Variants in GUCY2C observed in about 807,000 individuals in gnomAD.
GUCY2C encodes the protein guanylyl cyclase C.
Under a neutral mutation model 131.1 loss-of-function variants are expected in GUCY2C, and 118 were observed. The observed-to-expected ratio is 0.90, with a 90% CI of 0.78 to 1.05. The LOEUF is 1.05. GUCY2C is among the 50% of genes least tolerant of loss of function. The pLI is 0.00. For missense variants in GUCY2C, 1,161 were observed against 1,304.4 expected (o/e 0.89, Z 1.69); for synonymous variants, 452 against 457.8 (o/e 0.99, Z 0.16).
chr12:14,687,645 GAAACA>G (rs1948497600), intron 2 of GUCY2C, among the ~76,000 whole-genome samples: 1 of 151,964 alleles, frequency 6.6e-6, no homozygotes, highest in South Asian at 2.1e-4. Context: ...AAACACCCAA[GAAACA>G]AAACAAAACA....
intron 15 of GUCY2C, among the ~76,000 whole-genome samples, chr12:14,650,187 T>C (rs1192118149): frequency 6.6e-6 from 1 of 152,202 alleles, no homozygotes; most frequent in Non-Finnish European, 1.5e-5. Flanking sequence ...TTTCCTTTCC[T>C]TATGTTATAG....
At chr12:14,688,714 C>T (rs1948524056) in intron 1 of GUCY2C, among the ~76,000 whole-genome samples, 1 of 152,170 alleles carries the variant, frequency 6.6e-6, no homozygotes, top group Admixed American at 6.6e-5. Flanking sequence ...GTGTGTTACA[C>T]AGAATAATGC....
chr12:14,674,522 G>T, intron 8 of GUCY2C, 103 bp downstream of exon 8: 2 of 936,428 alleles, frequency 2.1e-6, no homozygotes, highest in African/African-American at 2.2e-5. Flanking sequence ...AAGGGATTTA[G>T]CTGTGGAATC....
intron 11 of GUCY2C, among the ~76,000 whole-genome samples, chr12:14,659,205 A>G (rs574245973): frequency 1.3e-5 from 2 of 152,094 alleles, no homozygotes; most frequent in South Asian, 2.1e-4. Flanking sequence ...CACCATGCCC[A>G]GCTAATTTTT....
rs777528549 is a variant in GUCY2C at position 14,620,630 on chromosome 12, A to G, written c.2776+412T>C. Among the ~76,000 whole-genome samples, 9 of 152,288 alleles carry G rather than the reference A, an allele frequency of 5.9e-5. No homozygotes were observed. In the East Asian group the frequency reaches 1.5e-3, roughly 26 times the overall value. ...GTATAAATATTATAGAAATTTCACC[A>G]TCTGTTCTTTATTTCCCCTTGTAGA... On this transcript the variant is annotated intron_variant, in intron 23 of 26. Coordinates refer to ENST00000261170, the MANE Select transcript of GUCY2C (RefSeq NM_004963.4).
intron 14 of GUCY2C, 24 bp downstream of exon 14, chr12:14,651,935 G>C (rs751297440): frequency 1.5e-6 from 2 of 1,301,018 alleles, no homozygotes; most frequent in Non-Finnish European, 2.2e-6. Flanking sequence ...TATTTCTCAA[G>C]GGTTTGAAGT....
chr12:14,628,594 A>G (rs757716217), intron 20 of GUCY2C, 52 bp downstream of exon 20: 7 of 986,914 alleles, frequency 7.1e-6, no homozygotes, highest in Non-Finnish European at 1.1e-5. Flanking sequence ...GTCAACTATA[A>G]TTTTTTTAAA....
At chr12:14,693,723 T>C (rs551171278) in intron 1 of GUCY2C, among the ~76,000 whole-genome samples, 2 of 152,338 alleles carry the variant, frequency 1.3e-5, no homozygotes, top group South Asian at 2.1e-4. Flanking sequence ...TTCATCTCCA[T>C]AGAGCTCTCC....
chr12:14,653,089 G>C, intron 12 of GUCY2C, 75 bp from the exon 13 acceptor site: 1 of 1,067,444 alleles, frequency 9.4e-7, no homozygotes, highest in Non-Finnish European at 1.5e-6. Context: ...AGGCTGAGAG[G>C]CTCTTCCAGG....
intron 10 of GUCY2C, among the ~76,000 whole-genome samples, chr12:14,665,395 G>C (rs1185663377): frequency 6.6e-6 from 1 of 152,206 alleles, no homozygotes; most frequent in Non-Finnish European, 1.5e-5. Flanking sequence ...AGGAAGCTGA[G>C]AGCATGGGGA....
intron 1 of GUCY2C, 104 bp from the exon 2 acceptor site, chr12:14,688,167 G>T: frequency 1.4e-6 from 1 of 728,678 alleles, no homozygotes; most frequent in Non-Finnish European, 2.4e-6. Flanking sequence ...CCATTTTCAG[G>T]CCTAGGAATA....
At chr12:14,642,172 A>T (rs1421523338) in intron 17 of GUCY2C, among the ~76,000 whole-genome samples, 1 of 152,128 alleles carries the variant, frequency 6.6e-6, no homozygotes, top group Admixed American at 6.6e-5. Flanking sequence ...TTCTTAAAAA[A>T]GTATCGCATG....
At chr12:14,651,281 G>T in intron 15 of GUCY2C, 126 bp downstream of exon 15, 1 of 544,970 alleles carries the variant, frequency 1.8e-6, no homozygotes, top group Non-Finnish European at 3.3e-6. Context: ...ATCTAGTTTG[G>T]AAAGCATGTG....
Position 14,651,956 on chromosome 12 carries a change from T to C in GUCY2C, c.1605+3A>G. ...TCAAGGGTTTGAAGTAAGGGCTACA[T>C]ACCTTGTTCAATTCTATCTTCTGTT... is the stretch of plus-strand genomic sequence containing the variant. On this transcript the variant is annotated splice_donor_region_variant and intron_variant, in intron 14 of 26. Transcript: ENST00000261170. 6.6e-7 allele frequency: 1 copy of C among 1,516,796 alleles called. No individual in the cohort carries two copies. Among genetic ancestry groups the C allele is most frequent in the Non-Finnish European group, 9.2e-7 (1 of 1,092,372 alleles). 94.0% of individuals were successfully genotyped at this position (1,516,796 alleles called of 1,614,324 possible). A position where few individuals can be genotyped will look rare whatever the true frequency, so the allele number is the denominator to read the frequency against.
intron 1 of GUCY2C, among the ~76,000 whole-genome samples, chr12:14,688,882 C>T (rs964472569): frequency 1.2e-4 from 18 of 152,132 alleles, no homozygotes; most frequent in Middle Eastern, 3.2e-3. Flanking sequence ...GGGAGGCCAG[C>T]GTAGTCCTGA....
At chr12:14,663,485 G>A (rs1432779252) in intron 10 of GUCY2C, among the ~76,000 whole-genome samples, 6 of 152,154 alleles carry the variant, frequency 3.9e-5, no homozygotes, top group Non-Finnish European at 7.3e-5. Context: ...GTTTCATCAC[G>A]TTGGCCAGGC....
At chr12:14,657,055 T>C (rs1252873730) in intron 11 of GUCY2C, among the ~76,000 whole-genome samples, 1 of 152,240 alleles carries the variant, frequency 6.6e-6, no homozygotes, top group Non-Finnish European at 1.5e-5. Flanking sequence ...GCTCAGGCGG[T>C]ACCGCTCGCT....
intron 3 of GUCY2C, among the ~76,000 whole-genome samples, chr12:14,685,122 G>A (rs1427819437): frequency 6.6e-6 from 1 of 152,184 alleles, no homozygotes; most frequent in African/African-American, 2.4e-5. Flanking sequence ...CAGCTAAAAT[G>A]CTTTGCACGT....
intron 21 of GUCY2C, among the ~76,000 whole-genome samples, chr12:14,625,403 C>T (rs985633844): frequency 6.6e-6 from 1 of 150,910 alleles, no homozygotes; most frequent in Non-Finnish European, 1.5e-5. Flanking sequence ...TCTTGGCTCA[C>T]TGCAACCTCC....
Sources: allele counts gnomAD v4.1 joint callset (sites outside exome capture counted in the v4.1 genomes callset), GRCh38; gene constraint gnomAD v4.1.1; transcripts MANE v1.5; gene names NCBI Gene and HGNC (gene_info 2026-07-23, HGNC 2026-07-21).